SAMMSON: variants seen among roughly 807,000 people sequenced by gnomAD.
SAMMSON encodes long intergenic non-protein coding RNA 1212.
In SAMMSON at chr3:70,187,427, C is replaced by CTTTTT. The variant is rs928465556; in HGVS notation, n.508-61656_508-61652dup. Among the ~76,000 whole-genome samples, 54 of 73,152 alleles carry CTTTTT rather than the reference C, an allele frequency of 7.4e-4. 10 individuals are homozygous for CTTTTT. The highest frequency in any genetic ancestry group is 0.01 in the Middle Eastern group (1 of 98). 48.0% of individuals were successfully genotyped at this position (73,152 alleles called of 152,430 possible). On this transcript the variant is annotated intron_variant and non_coding_transcript_variant, in intron 4 of 9. Coordinates refer to ENST00000642114, the Ensembl canonical transcript of SAMMSON. ...GCATGAGACAGCTCTGGGACCAACT[C>CTTTTT]TTTTTTTTTTTTTTTTTTTTTTTTT...
At chr3:70,136,240 C>T (rs1271774449) in intron 4 of SAMMSON, among the ~76,000 whole-genome samples, 2 of 152,176 alleles carry the variant, frequency 1.3e-5, no homozygotes, top group Non-Finnish European at 2.9e-5. Context: ...CTGAATAGAA[C>T]TGAGCTGTTC....
chr3:70,052,187 A>C (rs1370967896), intron 3 of SAMMSON, among the ~76,000 whole-genome samples: 1 of 152,156 alleles, frequency 6.6e-6, no homozygotes, highest in African/African-American at 2.4e-5. Context: ...TTATTCACAA[A>C]AAAAGCAAAA....
chr3:70,422,361 G>A (rs1280003875), intron 2 of SAMMSON, among the ~76,000 whole-genome samples: 1 of 151,814 alleles, frequency 6.6e-6, no homozygotes, highest in Admixed American at 6.6e-5. Flanking sequence ...ATTAACTAAC[G>A]TACATTAGGT....
intron 4 of SAMMSON, among the ~76,000 whole-genome samples, chr3:70,223,023 T>G (rs543122517): frequency 6.6e-6 from 1 of 152,266 alleles, no homozygotes; most frequent in South Asian, 2.1e-4. Context: ...TCTGTGAGTA[T>G]GAGTTAGGGG....
chr3:70,005,600 A>G (rs1373153492), intron 1 of SAMMSON, among the ~76,000 whole-genome samples: 1 of 152,114 alleles, frequency 6.6e-6, no homozygotes, highest in Non-Finnish European at 1.5e-5. Context: ...CCACCAGCCA[A>G]AGCAGGTCAC....
At chr3:70,001,089 C>T in intron 1 of SAMMSON, among the ~76,000 whole-genome samples, 1 of 151,758 alleles carries the variant, frequency 6.6e-6, no homozygotes, top group Admixed American at 6.6e-5. Context: ...CACAATGAGG[C>T]GGTTTAGGGA....
chr3:70,031,256 A>G (rs1294408397), intron 3 of SAMMSON, among the ~76,000 whole-genome samples: 1 of 152,202 alleles, frequency 6.6e-6, no homozygotes, highest in Non-Finnish European at 1.5e-5. Context: ...AATGAACCTT[A>G]AAAACATTGC....
At chr3:70,292,762 A>C (rs950669891) in intron 7 of SAMMSON, among the ~76,000 whole-genome samples, 10 of 152,060 alleles carry the variant, frequency 6.6e-5, no homozygotes, top group Non-Finnish European at 8.8e-5. Context: ...CTGTTTGCAG[A>C]TAAAGAAAAG....
At chr3:70,250,044 T>C (rs569452499) in intron 6 of SAMMSON, among the ~76,000 whole-genome samples, 17 of 152,296 alleles carry the variant, frequency 1.1e-4, no homozygotes, top group African/African-American at 4.1e-4. Flanking sequence ...TATTAAGTTA[T>C]TCTTTTAAAA....
At chr3:70,107,545 G>T (rs185836001) in intron 4 of SAMMSON, among the ~76,000 whole-genome samples, 2 of 151,776 alleles carry the variant, frequency 1.3e-5, no homozygotes, top group Admixed American at 1.3e-4. Context: ...AGAGCAGGGA[G>T]CTGTTCTTTA....
At chr3:70,261,913 C>T (rs1575609354) in intron 6 of SAMMSON, among the ~76,000 whole-genome samples, 2 of 152,124 alleles carry the variant, frequency 1.3e-5, no homozygotes, top group East Asian at 1.9e-4. Context: ...CTGTTTCATA[C>T]CTTACCATAA....
At chr3:70,131,849 AT>A (rs1394155095) in intron 4 of SAMMSON, among the ~76,000 whole-genome samples, 1 of 152,150 alleles carries the variant, frequency 6.6e-6, no homozygotes, top group Non-Finnish European at 1.5e-5. Flanking sequence ...AAGTGTTGGG[AT>A]TACAGGCGTG....
intron 2 of SAMMSON, among the ~76,000 whole-genome samples, chr3:70,430,156 A>T (rs1701402343): frequency 6.6e-6 from 1 of 152,094 alleles, no homozygotes; most frequent in Non-Finnish European, 1.5e-5. Context: ...TACCTAGTTT[A>T]TTGAGAGTTT....
intron 4 of SAMMSON, among the ~76,000 whole-genome samples, chr3:70,171,548 T>C (rs1240660339): frequency 6.6e-6 from 1 of 151,902 alleles, no homozygotes; most frequent in Non-Finnish European, 1.5e-5. Flanking sequence ...AGTATAGTTT[T>C]GGCTGAAATA....
At position 70,098,376 on chromosome 3, in the gene SAMMSON, CT is replaced by C. The variant is rs1238156669; in HGVS notation, n.507+26820del. 8.6e-5 allele frequency among the ~76,000 whole-genome samples: 13 copies of C among 151,138 alleles called. No individual in the cohort carries two copies. In the East Asian group the frequency reaches 2.1e-3, roughly 25 times the overall value. On this transcript the variant is annotated intron_variant and non_coding_transcript_variant, in intron 4 of 9. Transcript: ENST00000642114. Reference sequence around the variant, plus strand: ...TGAGCTCTCTTTTTCTTTTTTCTTTCTTTTTTTTTGAGACGGAATCTCGCTC... The same window carrying C: ...TGAGCTCTCTTTTTCTTTTTTCTTTCTTTTTTTTGAGACGGAATCTCGCTC...
At chr3:70,225,289 TG>T (rs1701493081) in intron 4 of SAMMSON, among the ~76,000 whole-genome samples, 1 of 152,226 alleles carries the variant, frequency 6.6e-6, no homozygotes, top group South Asian at 2.1e-4. Context: ...TTCTCTTCAG[TG>T]TGAGAATTAT....
rs1187221383 is a variant in SAMMSON, at chr3:70,178,965, C to T, written n.508-70142C>T. On this transcript the variant is annotated intron_variant and non_coding_transcript_variant, in intron 4 of 9. Transcript: ENST00000642114. ...GCAGTGAGCCATGATCATGCCACTG[C>T]ACTCCAGCCTGGGTGGCAAAGCAAG... is the stretch of plus-strand genomic sequence containing the variant. Among the ~76,000 whole-genome samples, 7 of 152,134 alleles carry T rather than the reference C, an allele frequency of 4.6e-5. No individual in the cohort carries two copies. In the East Asian group the frequency reaches 1.4e-3, roughly 29 times the overall value.
chr3:70,350,352 A>T (rs188868988), intron 7 of SAMMSON, among the ~76,000 whole-genome samples: 1 of 152,296 alleles, frequency 6.6e-6, no homozygotes, highest in African/African-American at 2.4e-5. Flanking sequence ...TATTTTGAAT[A>T]AAATATGTAA....
At chr3:70,327,087 A>G (rs544600935) in intron 7 of SAMMSON, among the ~76,000 whole-genome samples, 2 of 152,244 alleles carry the variant, frequency 1.3e-5, no homozygotes, top group South Asian at 2.1e-4. Context: ...CGAACTCTTC[A>G]CCTCAAGTGA....
Sources: gnomAD v4.1 joint callset for allele counts (sites outside exome capture counted in the v4.1 genomes callset) on GRCh38, gnomAD v4.1.1 for gene constraint, MANE v1.5 for transcripts, NCBI Gene and HGNC (gene_info 2026-07-23, HGNC 2026-07-21) for gene names.